Variants in AEBP2 observed in about 807,000 individuals in gnomAD.
The protein encoded by AEBP2 is AE binding protein 2.
A neutral mutation model predicts 50.8 loss-of-function variants in AEBP2; 10 were observed. The ratio of observed to expected loss-of-function variants is 0.20; its 90% CI spans 0.12 to 0.33. The LOEUF is 0.33. AEBP2 is among the 10% of genes least tolerant of loss of function. AEBP2 has a pLI of 1.00. For synonymous variants in AEBP2, 296 were observed against 261.3 expected (o/e 1.13, Z -1.28); for missense variants, 570 against 688.0 (o/e 0.83, Z 1.92).
At position 19,439,675 on chromosome 12, in the gene AEBP2, AG is replaced by A. The variant is rs1423988256; in HGVS notation, c.-23del. 2.0e-6 allele frequency: 3 copies of A among 1,501,152 alleles called. No homozygotes were observed. The highest frequency in any genetic ancestry group is 2.7e-6 in the Non-Finnish European group (3 of 1,129,020). 93.0% of individuals were successfully genotyped at this position (1,501,152 alleles called of 1,614,324 possible). On this transcript the variant is annotated 5_prime_UTR_variant, in exon 1 of 8. Coordinates refer to ENST00000266508, the MANE Select transcript of AEBP2 (RefSeq NM_153207.5). ...GAGGGAGGCGGCGGTGGGGAGGAGGAGGAGGAGGAGGAGCAGGCGCCGCCAT... is the reference window on the plus strand; with the variant it reads ...GAGGGAGGCGGCGGTGGGGAGGAGGAGAGGAGGAGGAGCAGGCGCCGCCAT...
At chr12:19,419,544 G>A (rs894014265) in intron 1 of AEBP2, among the ~76,000 whole-genome samples, 4 of 151,592 alleles carry the variant, frequency 2.6e-5, no homozygotes, top group Non-Finnish European at 5.9e-5. Flanking sequence ...AGCTGAGATC[G>A]CGCCACTGCA....
intron 5 of AEBP2, among the ~76,000 whole-genome samples, chr12:19,501,477 C>T (rs969281035): frequency 6.6e-5 from 10 of 151,710 alleles, no homozygotes; most frequent in Non-Finnish European, 1.2e-4. Flanking sequence ...TCTACAAAAA[C>T]ATGCAAAAAA....
At chr12:19,497,632 C>T (rs912324390) in intron 4 of AEBP2, among the ~76,000 whole-genome samples, 15 of 151,980 alleles carry the variant, frequency 9.9e-5, no homozygotes, top group South Asian at 4.2e-4. Context: ...ACTACCATGC[C>T]GGGCTAATTT....
rs549021763 is a variant in AEBP2, at chr12:19,518,940, ACT to A, written c.*826_*827del. On this transcript the variant is annotated 3_prime_UTR_variant, in exon 8 of 8. Coordinates refer to ENST00000266508, the MANE Select transcript of AEBP2 (RefSeq NM_153207.5). ...TTCATATTTTCATTTAACCTATATGACTCTAATTTTTTTTCTGAGGAAATCAT... is the reference window on the plus strand; with the variant it reads ...TTCATATTTTCATTTAACCTATATGACTAATTTTTTTTCTGAGGAAATCAT... 160 of 311,090 alleles carry A rather than the reference ACT, an allele frequency of 5.1e-4. 2 individuals are homozygous for A. In the East Asian group the frequency reaches 7.0e-3, roughly 14 times the overall value. The allele number at this position is 311,090 out of a possible 1,614,324, so 19.3% of individuals were successfully genotyped here.
At chr12:19,454,795 A>C (rs1475540107) in intron 1 of AEBP2, among the ~76,000 whole-genome samples, 1 of 152,172 alleles carries the variant, frequency 6.6e-6, no homozygotes, top group African/African-American at 2.4e-5. Context: ...AGAACGACCC[A>C]AAGTTACCAA....
chr12:19,437,780 T>C (rs2153365624), upstream of AEBP2, among the ~76,000 whole-genome samples: 1 of 152,336 alleles, frequency 6.6e-6, no homozygotes, highest in Admixed American at 6.5e-5. Context: ...GTAAATGATG[T>C]CCCATGTTAT....
intron 6 of AEBP2, among the ~76,000 whole-genome samples, chr12:19,513,033 G>A (rs1949259523): frequency 6.6e-6 from 1 of 151,818 alleles, no homozygotes; most frequent in African/African-American, 2.4e-5. Flanking sequence ...TTTTTGTTTT[G>A]TTTTTTGAGA....
chr12:19,439,856 G>A lies in AEBP2; in HGVS notation c.157G>A (p.Ala53Thr). 4.0e-6 allele frequency: 6 copies of A among 1,487,474 alleles called. No homozygotes were observed. Among genetic ancestry groups the A allele is most frequent in the Middle Eastern group, 2.2e-4 (1 of 4,548 alleles). The allele number at this position is 1,487,474 out of a possible 1,614,324, so 92.1% of individuals were successfully genotyped here. Residue 53 changes from alanine to threonine, a missense_variant, in exon 1 of 8, where the codon GCG becomes ACG. Coordinates refer to ENST00000266508, the MANE Select transcript of AEBP2 (RefSeq NM_153207.5). ...EEEEEEAEAE[A>T]VAALLLNGGS... ...GGAGGAAGAGGAGGCGGAGGCCGAG[G>A]CGGTGGCGGCGCTGCTGCTGAACGG...
intron 1 of AEBP2, among the ~76,000 whole-genome samples, chr12:19,409,014 C>T (rs2095737847): frequency 6.6e-6 from 1 of 151,600 alleles, no homozygotes; most frequent in Admixed American, 6.6e-5. Context: ...TATAAGCAAA[C>T]ACATATCTAT....
At chr12:19,419,701 G>A (rs549767430) in intron 1 of AEBP2, among the ~76,000 whole-genome samples, 1 of 152,234 alleles carries the variant, frequency 6.6e-6, no homozygotes, top group African/African-American at 2.4e-5. Flanking sequence ...AGGCCGAAGC[G>A]GGCAGATAGA....
intron 1 of AEBP2, among the ~76,000 whole-genome samples, chr12:19,450,587 TG>T (rs757818815): frequency 7.2e-6 from 1 of 139,606 alleles, no homozygotes; most frequent in Non-Finnish European, 1.5e-5. Flanking sequence ...CTCAGCACTT[TG>T]GGAGGCTGAG....
At chr12:19,411,492 C>T (rs1282115811) in intron 1 of AEBP2, among the ~76,000 whole-genome samples, 1 of 152,076 alleles carries the variant, frequency 6.6e-6, no homozygotes, top group East Asian at 1.9e-4. Flanking sequence ...CAGAGGAGCC[C>T]CAGGACATTT....
At chr12:19,495,474 C>T (rs918982562) in intron 4 of AEBP2, among the ~76,000 whole-genome samples, 1 of 151,222 alleles carries the variant, frequency 6.6e-6, no homozygotes, top group Non-Finnish European at 1.5e-5. Context: ...CTTTATATTT[C>T]GTTTTTATTT....
In AEBP2 at chr12:19,514,653, T is replaced by G. The variant is rs1297736115; in HGVS notation, c.1368-18T>G. ...AAATTAATGTTACTTTATTATTGAC[T>G]TGTTTTTTAATTCATAGTCTGCCTG... On this transcript the variant is annotated intron_variant, in intron 6 of 7. Transcript: ENST00000266508. 1 of 1,546,288 alleles carries G rather than the reference T, an allele frequency of 6.5e-7. No homozygotes were observed.
At chr12:19,456,493 G>A (rs1157273992) in intron 1 of AEBP2, 55 of 1,497,342 alleles carry the variant, frequency 3.7e-5, no homozygotes, top group South Asian at 1.7e-4. Context: ...CCAACATGGC[G>A]ATCCATCTTT....
intron 3 of AEBP2, among the ~76,000 whole-genome samples, chr12:19,486,538 G>C (rs1280726034): frequency 6.6e-6 from 1 of 152,024 alleles, no homozygotes; most frequent in African/African-American, 2.4e-5. Flanking sequence ...ATTCAGGCCT[G>C]TGCTACCACG....
chr12:19,413,254 A>C, intron 1 of AEBP2: 1 of 1,075,262 alleles, frequency 9.3e-7, no homozygotes, highest in South Asian at 1.2e-5. Flanking sequence ...GGCCAGGTTT[A>C]AGTAACTTAG....
intron 3 of AEBP2, among the ~76,000 whole-genome samples, chr12:19,485,783 G>T (rs1232785400): frequency 2.7e-5 from 4 of 149,588 alleles, no homozygotes; most frequent in Non-Finnish European, 5.9e-5. Flanking sequence ...CAGATCTAAA[G>T]AAACTTAAAT....
At chr12:19,508,946 A>G in intron 5 of AEBP2, 1 of 452,114 alleles carries the variant, frequency 2.2e-6, no homozygotes. Flanking sequence ...TTTCTACAAT[A>G]CAGCCTCTAA....
Sources: allele counts gnomAD v4.1 joint callset (sites outside exome capture counted in the v4.1 genomes callset), GRCh38; gene constraint gnomAD v4.1.1; transcripts MANE v1.5; gene names NCBI Gene and HGNC (gene_info 2026-07-23, HGNC 2026-07-21).